Variants in ROR1 observed in about 807,000 individuals in gnomAD.
ROR1 encodes the protein inactive tyrosine-protein kinase transmembrane receptor ROR1.
ROR1 carries 19 observed loss-of-function variants against 78.8 expected under a neutral mutation model. The observed-to-expected ratio is 0.24, with a 90% confidence interval of 0.17 to 0.35. The LOEUF (loss-of-function observed/expected upper bound fraction) is 0.35. Among genes scored for constraint, ROR1 ranks in the 10% least tolerant of loss-of-function variants. The pLI is 1.00. For missense variants in ROR1, 917 were observed against 1,177.8 expected, an observed-to-expected ratio of 0.78 and a Z score of 3.24; for synonymous variants, 386 against 433.6, an observed-to-expected ratio of 0.89 and a Z score of 1.36.
intron 1 of ROR1, among the ~76,000 whole-genome samples, chr1:63,950,111 G>C (rs1393672675): frequency 6.6e-6 from 1 of 152,170 alleles, no homozygotes; most frequent in East Asian, 1.9e-4. Context: ...AAGTGGACCA[G>C]TTACCAGAAA....
chr1:63,804,145 A>T (rs779969565), intron 1 of ROR1, among the ~76,000 whole-genome samples: 4 of 151,724 alleles, frequency 2.6e-5, no homozygotes, highest in Non-Finnish European at 5.9e-5. Flanking sequence ...TGGGAGGGGG[A>T]TGGCTGTGGC....
At chr1:63,881,752 T>A (rs1289968232) in intron 1 of ROR1, among the ~76,000 whole-genome samples, 2 of 152,218 alleles carry the variant, frequency 1.3e-5, no homozygotes, top group East Asian at 3.8e-4. Flanking sequence ...ACAAGGTGAA[T>A]GAGGCATGGC....
At chr1:64,087,284 A>G (rs1647162679) in intron 4 of ROR1, among the ~76,000 whole-genome samples, 1 of 152,224 alleles carries the variant, frequency 6.6e-6, no homozygotes, top group South Asian at 2.1e-4. Context: ...AAGGTGACAA[A>G]TCAGAGATTG....
chr1:64,142,753 A>G, intron 7 of ROR1, 103 bp downstream of exon 7: 2 of 1,527,076 alleles, frequency 1.3e-6, no homozygotes, highest in Non-Finnish European at 1.8e-6. Context: ...AAGAAAATGG[A>G]CAGTATTTGC....
At chr1:63,849,610 G>T (rs1378471078) in intron 1 of ROR1, among the ~76,000 whole-genome samples, 1 of 152,078 alleles carries the variant, frequency 6.6e-6, no homozygotes, top group East Asian at 1.9e-4. Flanking sequence ...AGTTGGGAAG[G>T]TCACTTGAGC....
chr1:63,955,083 AC>A (rs1273664757), intron 1 of ROR1, among the ~76,000 whole-genome samples: 2 of 152,156 alleles, frequency 1.3e-5, no homozygotes, highest in African/African-American at 4.8e-5. Context: ...CAAAGTCTGG[AC>A]TGCAGAGGTT....
In ROR1 at chr1:63,854,674, T is replaced by C. The variant is rs139999645; in HGVS notation, c.91+80166T>C. ...ATCATAGGTAGAGATAGAACATGTC[T>C]GTGCTTAGATAGTATCTGGCACATA... On this transcript the variant is annotated intron_variant, in intron 1 of 8. Transcript: ENST00000371079. Among the ~76,000 whole-genome samples the C allele has an allele frequency of 1.1e-4, 17 of 152,350 alleles. No homozygotes were observed. The East Asian group carries it at 3.3e-3, about 29-fold the overall frequency.
intron 1 of ROR1, among the ~76,000 whole-genome samples, chr1:63,879,049 A>G (rs901466146): frequency 6.6e-6 from 1 of 152,184 alleles, no homozygotes; most frequent in African/African-American, 2.4e-5. Context: ...AACTGTTAGA[A>G]GAGGGAGAGA....
intron 1 of ROR1, among the ~76,000 whole-genome samples, chr1:63,913,446 TG>T (rs1390086156): frequency 6.6e-6 from 1 of 152,142 alleles, no homozygotes; most frequent in African/African-American, 2.4e-5. Context: ...GGGATAAAAT[TG>T]GGGGTATGCT....
chr1:64,096,221 C>CT (rs553349953), intron 4 of ROR1, among the ~76,000 whole-genome samples: 2,824 of 149,352 alleles, frequency 0.019, 30 homozygotes, highest in Non-Finnish European at 0.026. Context: ...GAAATAAAGT[C>CT]TTTTTTTTTT....
intron 8 of ROR1, 44 bp from the exon 9 acceptor site, chr1:64,177,384 C>A: frequency 6.8e-7 from 1 of 1,473,740 alleles, no homozygotes; most frequent in South Asian, 1.3e-5. Context: ...GCTGTCTTGC[C>A]TGAAGATATG....
chr1:63,931,772 C>T, intron 1 of ROR1, among the ~76,000 whole-genome samples: 1 of 151,368 alleles, frequency 6.6e-6, no homozygotes, highest in East Asian at 1.9e-4. Flanking sequence ...GTTTGAGTAA[C>T]TCTTATTTTA....
At chr1:64,083,899 T>C (rs1264890338) in intron 4 of ROR1, among the ~76,000 whole-genome samples, 1 of 152,186 alleles carries the variant, frequency 6.6e-6, no homozygotes, top group Non-Finnish European at 1.5e-5. Context: ...CATACTGTTA[T>C]TCCTTAAGAA....
At chr1:63,788,948 C>T (rs1644708290) in intron 1 of ROR1, 2 of 724,284 alleles carry the variant, frequency 2.8e-6, no homozygotes, top group Non-Finnish European at 4.9e-6. Context: ...GGCTGTGATA[C>T]ATGAGGTGAT....
At chr1:63,889,537 A>T (rs1389612147) in intron 1 of ROR1, among the ~76,000 whole-genome samples, 1 of 152,144 alleles carries the variant, frequency 6.6e-6, no homozygotes, top group East Asian at 1.9e-4. Context: ...AACGAAGTGC[A>T]TGCAACCCTG....
At chr1:64,013,985 C>T (rs193016857) in intron 2 of ROR1, among the ~76,000 whole-genome samples, 2 of 152,346 alleles carry the variant, frequency 1.3e-5, no homozygotes, top group South Asian at 2.1e-4. Context: ...TGAATTCACA[C>T]CACCCTTTGC....
At chr1:63,868,905 C>T (rs893974705) in intron 1 of ROR1, among the ~76,000 whole-genome samples, 1 of 152,196 alleles carries the variant, frequency 6.6e-6, no homozygotes, top group Admixed American at 6.5e-5. Flanking sequence ...TATTTTGCAT[C>T]ATTTTTATTT....
intron 4 of ROR1, among the ~76,000 whole-genome samples, chr1:64,100,236 C>T (rs1647473393): frequency 6.6e-6 from 1 of 151,960 alleles, no homozygotes; most frequent in Admixed American, 6.6e-5. Flanking sequence ...AATCCCAGCA[C>T]TTTGGAAAGC....
At chr1:63,830,449 G>A (rs1022425950) in intron 1 of ROR1, among the ~76,000 whole-genome samples, 5 of 152,178 alleles carry the variant, frequency 3.3e-5, no homozygotes, top group African/African-American at 1.2e-4. Context: ...AAGGGGAAGC[G>A]AGGCATGTCT....
Sources: gnomAD v4.1 joint callset for allele counts (sites outside exome capture counted in the v4.1 genomes callset) on GRCh38, gnomAD v4.1.1 for gene constraint, MANE v1.5 for transcripts, NCBI Gene and HGNC (gene_info 2026-07-23, HGNC 2026-07-21) for gene names.